Variants in C1orf50 observed in about 807,000 individuals in gnomAD.
C1orf50 encodes the protein uncharacterized protein C1orf50.
Under a neutral mutation model 23.3 loss-of-function variants are expected in C1orf50, and 22 were observed. The observed-to-expected ratio is 0.94, with a 90% CI of 0.67 to 1.35. The LOEUF (loss-of-function observed/expected upper bound fraction) is 1.35. Ranked by LOEUF, C1orf50 falls within the 40% of genes most tolerant of loss-of-function variation. The pLI, the probability that C1orf50 is intolerant of heterozygous loss-of-function variation, is 0.00. For missense variants in C1orf50, 271 were observed against 249.4 expected (o/e 1.09, Z -0.58); for synonymous variants, 96 against 102.4 (o/e 0.94, Z 0.38).
Position 42,767,341 on chromosome 1 carries a change from C to G in C1orf50, c.30C>G (p.Thr10=). The part of the protein sequence containing the change: MEDAAAPGR[T]EGVLERQGAP... Reference sequence around the variant, plus strand: ...AGGACGCCGCCGCGCCGGGGCGGACCGAGGGGGTCCTTGAAAGGCAAGGAG... The same window carrying G: ...AGGACGCCGCCGCGCCGGGGCGGACGGAGGGGGTCCTTGAAAGGCAAGGAG... The change falls in exon 1 of 5, where the codon ACC becomes ACG. Residue 10 remains threonine (T), a synonymous_variant. Coordinates refer to ENST00000372525, the MANE Select transcript of C1orf50 (RefSeq NM_024097.4). 2.0e-6 allele frequency: 3 copies of G among 1,532,360 alleles called. No individual in the cohort carries two copies. Among genetic ancestry groups the G allele is most frequent in the Non-Finnish European group, 2.6e-6 (3 of 1,144,616 alleles). The allele number at this position is 1,532,360 out of a possible 1,614,324, so 94.9% of individuals were successfully genotyped here.
intron 2 of C1orf50, among the ~76,000 whole-genome samples, chr1:42,772,026 A>G (rs1653235871): frequency 6.6e-6 from 1 of 151,830 alleles, no homozygotes; most frequent in African/African-American, 2.4e-5. Context: ...TAACGTGGCT[A>G]CCAGAAAATT....
At chr1:42,774,329 G>C (rs1305952870) in intron 3 of C1orf50, among the ~76,000 whole-genome samples, 1 of 152,012 alleles carries the variant, frequency 6.6e-6, no homozygotes, top group Non-Finnish European at 1.5e-5. Context: ...CTGGGCTCAA[G>C]TGATCCTCTA....
At chr1:42,771,385 A>G (rs990050502) in intron 2 of C1orf50, among the ~76,000 whole-genome samples, 1 of 152,204 alleles carries the variant, frequency 6.6e-6, no homozygotes, top group Non-Finnish European at 1.5e-5. Flanking sequence ...AATTATTGGA[A>G]CTCAAGTATA....
intron 2 of C1orf50, among the ~76,000 whole-genome samples, 166 bp downstream of exon 2, chr1:42,767,790 C>T (rs1400230523): frequency 6.6e-6 from 1 of 152,190 alleles, no homozygotes; most frequent in Non-Finnish European, 1.5e-5. Flanking sequence ...TGGCCTGATT[C>T]GAATGACCTT....
At chr1:42,774,142 T>C (rs375309025) in intron 3 of C1orf50, among the ~76,000 whole-genome samples, 9 of 152,296 alleles carry the variant, frequency 5.9e-5, no homozygotes, top group African/African-American at 2.2e-4. Context: ...GGGGATTATG[T>C]TTTCATTTAT....
intron 1 of C1orf50, 25 bp downstream of exon 1, chr1:42,767,415 G>A (rs1653092942): frequency 1.3e-6 from 2 of 1,555,620 alleles, no homozygotes; most frequent in Non-Finnish European, 1.7e-6. Context: ...AGTCAGCAGG[G>A]GGAAGTCAGC....
At chr1:42,772,555 C>T (rs184441657) in intron 2 of C1orf50, among the ~76,000 whole-genome samples, 2 of 152,046 alleles carry the variant, frequency 1.3e-5, no homozygotes, top group Admixed American at 6.6e-5. Context: ...CCGAGGTGGG[C>T]GGATCACCTG....
chr1:42,778,443 C>T lies in C1orf50; in HGVS notation c.*3049C>T, dbSNP rs1653382075. 1 of 152,208 alleles carries T rather than the reference C, an allele frequency of 6.6e-6. No homozygotes were observed. The highest frequency in any genetic ancestry group is 2.1e-4 in the South Asian group (1 of 4,836). 9.4% of individuals were successfully genotyped at this position (152,208 alleles called of 1,614,324 possible). ...GGAAGACACTTGGAGGAGCTGATGC[C>T]TGCTTGGTGTTGAAAACCATACAAG... On this transcript the variant is annotated 3_prime_UTR_variant, in exon 5 of 5. Transcript: ENST00000372525.
chr1:42,769,359 G>A (rs4660232), intron 2 of C1orf50, among the ~76,000 whole-genome samples: 100,700 of 150,994 alleles, frequency 0.67, 33,951 homozygotes, highest in South Asian at 0.83. Flanking sequence ...CAACCTGGGC[G>A]ACATGTGAAA....
At chr1:42,768,346 C>A (rs527859720) in intron 2 of C1orf50, among the ~76,000 whole-genome samples, 1 of 152,324 alleles carries the variant, frequency 6.6e-6, no homozygotes, top group South Asian at 2.1e-4. Context: ...TCCTTCTTAT[C>A]TCTTATCAAG....
At chr1:42,773,712 T>A in intron 3 of C1orf50, 63 bp downstream of exon 3, 1 of 1,134,942 alleles carries the variant, frequency 8.8e-7, no homozygotes, top group South Asian at 1.3e-5. Context: ...TTGGCTGAAC[T>A]TGTTTATAAT....
At chr1:42,774,960 A>C in intron 4 of C1orf50, 92 bp downstream of exon 4, 1 of 1,454,586 alleles carries the variant, frequency 6.9e-7, no homozygotes, top group Non-Finnish European at 9.3e-7. Flanking sequence ...GGATTGGTAT[A>C]TGGTTTCTTA....
chr1:42,770,138 G>A (rs544313552), intron 2 of C1orf50, among the ~76,000 whole-genome samples: 3 of 152,084 alleles, frequency 2.0e-5, no homozygotes, highest in Non-Finnish European at 4.4e-5. Flanking sequence ...GTAGTTGTAG[G>A]TACTCTTCCC....
At chr1:42,768,887 C>A (rs1302496540) in intron 2 of C1orf50, among the ~76,000 whole-genome samples, 1 of 152,096 alleles carries the variant, frequency 6.6e-6, no homozygotes, top group Non-Finnish European at 1.5e-5. Context: ...CTCTGTTTCC[C>A]CAATACAATC....
intron 2 of C1orf50, 141 bp downstream of exon 2, chr1:42,767,765 G>A: frequency 2.7e-6 from 2 of 737,964 alleles, no homozygotes; most frequent in Non-Finnish European, 4.4e-6. Flanking sequence ...AAAGCCGACT[G>A]TCATTGTGAG....
At chr1:42,767,723 C>G (rs1376064536) in intron 2 of C1orf50, 99 bp downstream of exon 2, 4 of 1,089,660 alleles carry the variant, frequency 3.7e-6, no homozygotes, top group Non-Finnish European at 5.3e-6. Context: ...GTGGGGGTGG[C>G]ATTTGCTCTT....
At chr1:42,774,618 G>A in intron 3 of C1orf50, 119 bp from the exon 4 acceptor site, 1 of 1,102,088 alleles carries the variant, frequency 9.1e-7, no homozygotes, top group Non-Finnish European at 1.3e-6. Context: ...GTGATTCATT[G>A]CTATGGGGGA....
At chr1:42,773,504 G>GA (rs1404805770) in intron 2 of C1orf50, 59 bp from the exon 3 acceptor site, 1 of 1,030,620 alleles carries the variant, frequency 9.7e-7, no homozygotes. Context: ...ATCAAGATAA[G>GA]AACATCATAG....
At chr1:42,771,929 T>C (rs1257403150) in intron 2 of C1orf50, among the ~76,000 whole-genome samples, 2 of 149,818 alleles carry the variant, frequency 1.3e-5, no homozygotes, top group Non-Finnish European at 3.0e-5. Context: ...AGTGAGCCTC[T>C]GCACCACTGC....
Sources: gnomAD v4.1 joint callset for allele counts (sites outside exome capture counted in the v4.1 genomes callset) on GRCh38, gnomAD v4.1.1 for gene constraint, MANE v1.5 for transcripts, NCBI Gene and HGNC (gene_info 2026-07-23, HGNC 2026-07-21) for gene names.